The following PDE4B variants were observed in gnomAD, a reference collection of about 807,000 sequenced individuals.
PDE4B encodes the protein phosphodiesterase 4B, also known as 3',5'-cyclic-AMP phosphodiesterase 4B.
PDE4B carries 20 observed loss-of-function variants against 82.2 expected under a neutral mutation model. The observed-to-expected ratio is 0.24, with a 90% CI of 0.17 to 0.35. The LOEUF is 0.35. Ranked by LOEUF, PDE4B falls within the 10% of genes least tolerant of loss-of-function variation. The pLI, the probability that PDE4B is intolerant of heterozygous loss-of-function variation, is 1.00. For missense variants in PDE4B, 655 were observed against 907.2 expected (o/e 0.72, Z 3.57); for synonymous variants, 320 against 318.9 (o/e 1.00, Z -0.04).
intron 3 of PDE4B, among the ~76,000 whole-genome samples, chr1:65,930,576 A>C: frequency 6.6e-6 from 1 of 152,216 alleles, no homozygotes; most frequent in East Asian, 1.9e-4. Flanking sequence ...TGGGACATGG[A>C]GTCAAAAGAG....
Position 66,372,765 on chromosome 1 carries a change from C to T in PDE4B, c.*87C>T, listed in dbSNP as rs1232724759. The stretch of plus-strand genomic sequence containing the variant: ...GGCCAGCCCACCATGGGGGCCAAGA[C>T]CTGCACAGGACAAGGGCCACCTGGC... On this transcript the variant is annotated 3_prime_UTR_variant, in exon 17 of 17. Coordinates refer to ENST00000341517, the MANE Select transcript of PDE4B (RefSeq NM_002600.4). 5 of 1,409,500 alleles carry T rather than the reference C, an allele frequency of 3.5e-6. No homozygotes were observed. The East Asian group carries it at 1.1e-4, about 32-fold the overall frequency. The allele number at this position is 1,409,500 out of a possible 1,614,324, so 87.3% of individuals were successfully genotyped here.
chr1:66,355,700 C>T, intron 9 of PDE4B, 80 bp downstream of exon 9: 1 of 749,478 alleles, frequency 1.3e-6, no homozygotes, highest in South Asian at 2.0e-5. Context: ...AGGACATCCT[C>T]ATGTGAATTT....
chr1:65,828,884 GAAA>G (rs989764558), intron 1 of PDE4B, among the ~76,000 whole-genome samples: 1 of 151,890 alleles, frequency 6.6e-6, no homozygotes, highest in African/African-American at 2.4e-5. Flanking sequence ...AGAAAAGGAG[GAAA>G]AAAGAGACAA....
At chr1:65,940,195 G>A (rs910208833) in intron 3 of PDE4B, among the ~76,000 whole-genome samples, 35 of 152,084 alleles carry the variant, frequency 2.3e-4, no homozygotes, top group Non-Finnish European at 2.8e-4. Flanking sequence ...GTAGGGGGCA[G>A]GGTAGGAACT....
At chr1:65,978,993 T>G (rs1030924007) in intron 3 of PDE4B, among the ~76,000 whole-genome samples, 7 of 152,240 alleles carry the variant, frequency 4.6e-5, no homozygotes, top group African/African-American at 1.7e-4. Context: ...TTGAAATGTT[T>G]GCCTAGTTTT....
intron 3 of PDE4B, among the ~76,000 whole-genome samples, chr1:66,165,757 G>A (rs1471539785): frequency 6.6e-6 from 1 of 152,062 alleles, no homozygotes. Flanking sequence ...TAAATAAATA[G>A]AAGAACGTCC....
chr1:66,012,479 A>G (rs80133893), intron 3 of PDE4B, among the ~76,000 whole-genome samples: 1,534 of 152,234 alleles, frequency 0.01, 21 homozygotes, highest in African/African-American at 0.035. Flanking sequence ...ATAACACTTG[A>G]GTTTAATGGT....
intron 7 of PDE4B, among the ~76,000 whole-genome samples, chr1:66,283,430 GT>G (rs1656434588): frequency 6.6e-6 from 1 of 151,936 alleles, no homozygotes; most frequent in Non-Finnish European, 1.5e-5. Context: ...GTCTTAGAAG[GT>G]TGCAACTGGG....
intron 3 of PDE4B, among the ~76,000 whole-genome samples, chr1:66,121,135 G>A (rs1645701458): frequency 6.6e-6 from 1 of 152,112 alleles, no homozygotes; most frequent in African/African-American, 2.4e-5. Flanking sequence ...TCCTCTCTGA[G>A]GAAGTAAGAT....
intron 3 of PDE4B, among the ~76,000 whole-genome samples, chr1:65,959,981 G>A (rs1222642742): frequency 6.6e-6 from 1 of 152,074 alleles, no homozygotes; most frequent in African/African-American, 2.4e-5. Flanking sequence ...AAACTGCAGG[G>A]ATTACGGGCA....
chr1:66,052,929 C>T (rs552854933), intron 3 of PDE4B, among the ~76,000 whole-genome samples: 81 of 151,986 alleles, frequency 5.3e-4, no homozygotes, highest in African/African-American at 1.9e-3. Flanking sequence ...CCCATGAGCA[C>T]AAAAAAAGTA....
chr1:65,808,867 A>G (rs990456392), intron 1 of PDE4B, among the ~76,000 whole-genome samples: 10 of 152,352 alleles, frequency 6.6e-5, no homozygotes, highest in Non-Finnish European at 1.2e-4. Flanking sequence ...CTTCTAGTAC[A>G]TGATTGTTGT....
chr1:65,984,892 ATAT>A (rs1650875903), intron 3 of PDE4B, among the ~76,000 whole-genome samples: 1 of 150,820 alleles, frequency 6.6e-6, no homozygotes, highest in Non-Finnish European at 1.5e-5. Context: ...ATTATATGAA[ATAT>A]TATATTGAAG....
chr1:65,834,059 T>G (rs1189422338), intron 1 of PDE4B, among the ~76,000 whole-genome samples: 4 of 152,206 alleles, frequency 2.6e-5, no homozygotes, highest in Admixed American at 2.0e-4. Flanking sequence ...TTCTCTGTTT[T>G]TTTGAGATGG....
intron 7 of PDE4B, among the ~76,000 whole-genome samples, chr1:66,283,597 TA>T (rs1238100682): frequency 6.6e-6 from 1 of 152,182 alleles, no homozygotes; most frequent in African/African-American, 2.4e-5. Context: ...AGAGCTTGCG[TA>T]AGTATAATTT....
chr1:66,311,431 C>T (rs1460824766), intron 7 of PDE4B, among the ~76,000 whole-genome samples: 3 of 152,276 alleles, frequency 2.0e-5, no homozygotes, highest in Non-Finnish European at 4.4e-5. Context: ...ACCAGATAAT[C>T]AGCCACTTTG....
rs193072634 is a variant in PDE4B, at chr1:65,847,924, G to A, written c.-71+54676G>A. 1.5e-4 allele frequency among the ~76,000 whole-genome samples: 22 copies of A among 146,516 alleles called. No individual in the cohort carries two copies. The East Asian group carries it at 3.5e-3, about 24-fold the overall frequency. The stretch of plus-strand genomic sequence containing the variant: ...GATTAATTTTGTGAATTCATAAATC[G>A]TAAGCAGATGACTGGGCCAATTGTT... On this transcript the variant is annotated intron_variant, in intron 1 of 16. Transcript: ENST00000341517.
At chr1:65,812,051 T>C (rs1352939974) in intron 1 of PDE4B, among the ~76,000 whole-genome samples, 5 of 152,138 alleles carry the variant, frequency 3.3e-5, no homozygotes, top group African/African-American at 9.7e-5. Flanking sequence ...TTAAGCTTAG[T>C]TCCTTTCATT....
intron 9 of PDE4B, among the ~76,000 whole-genome samples, chr1:66,357,357 C>T (rs1662334343): frequency 6.6e-6 from 1 of 151,868 alleles, no homozygotes; most frequent in Admixed American, 6.6e-5. Flanking sequence ...CCATAGTCTA[C>T]CAAGAAAGAA....
Sources: allele counts gnomAD v4.1 joint callset (sites outside exome capture counted in the v4.1 genomes callset), GRCh38; gene constraint gnomAD v4.1.1; transcripts MANE v1.5; gene names NCBI Gene and HGNC (gene_info 2026-07-23, HGNC 2026-07-21).